The following RCAN2 variants were observed in gnomAD, a reference collection of about 807,000 sequenced individuals.
The protein encoded by RCAN2 is regulator of calcineurin 2, also known as calcipressin-2.
Under a neutral mutation model 23.6 loss-of-function variants are expected in RCAN2, and 9 were observed. The observed-to-expected ratio is 0.38, with a 90% confidence interval of 0.23 to 0.67. RCAN2 has a LOEUF of 0.67. RCAN2 is among the 30% of genes least tolerant of loss of function. The pLI is 0.51. For missense variants in RCAN2, 273 were observed against 302.3 expected (o/e 0.90, Z 0.72); for synonymous variants, 109 against 115.7 (o/e 0.94, Z 0.37).
intron 2 of RCAN2, among the ~76,000 whole-genome samples, chr6:46,389,991 A>G (rs1463107024): frequency 6.6e-6 from 1 of 150,872 alleles, no homozygotes; most frequent in Non-Finnish European, 1.5e-5. Flanking sequence ...ACAAAGAAAA[A>G]TGAACATATA....
chr6:46,356,048 C>G (rs1436034018), intron 2 of RCAN2, among the ~76,000 whole-genome samples: 1 of 152,160 alleles, frequency 6.6e-6, no homozygotes, highest in Non-Finnish European at 1.5e-5. Flanking sequence ...TGTAAAGACA[C>G]AGACACAGAC....
In RCAN2 at chr6:46,221,620, G is replaced by C; in HGVS notation, c.*1521C>G. 1 of 279,586 alleles carries C rather than the reference G, an allele frequency of 3.6e-6. No homozygotes were observed. Among genetic ancestry groups the C allele is most frequent in the South Asian group, 1.7e-4 (1 of 5,994 alleles). The allele number at this position is 279,586 out of a possible 1,614,324, so 17.3% of individuals were successfully genotyped here. A position where few individuals can be genotyped will look rare whatever the true frequency, so the allele number is the denominator to read the frequency against. On this transcript the variant is annotated 3_prime_UTR_variant, in exon 5 of 5. Coordinates refer to ENST00000371374, the MANE Select transcript of RCAN2 (RefSeq NM_001251974.2). Reference sequence around the variant, plus strand: ...CAGTAAAACGGACTTTAATTTCTGAGTGATCAGTCTATGTTTTAAGTTTCT... The same window carrying C: ...CAGTAAAACGGACTTTAATTTCTGACTGATCAGTCTATGTTTTAAGTTTCT...
At chr6:46,325,197 T>A (rs1469410549) in intron 2 of RCAN2, among the ~76,000 whole-genome samples, 2 of 152,246 alleles carry the variant, frequency 1.3e-5, no homozygotes, top group Non-Finnish European at 2.9e-5. Context: ...GCAGACCTTG[T>A]CATATTTAAA....
chr6:46,232,362 G>A (rs1765926986), intron 4 of RCAN2, among the ~76,000 whole-genome samples: 1 of 152,200 alleles, frequency 6.6e-6, no homozygotes, highest in Non-Finnish European at 1.5e-5. Context: ...ACATTGCTAA[G>A]GAGAGAAATC....
At chr6:46,479,569 A>AG (rs1768799505) in intron 1 of RCAN2, among the ~76,000 whole-genome samples, 1 of 143,208 alleles carries the variant, frequency 7.0e-6, no homozygotes, top group African/African-American at 2.6e-5. Flanking sequence ...GCCGTGCAGT[A>AG]GGGTCTGTCT....
intron 1 of RCAN2, among the ~76,000 whole-genome samples, chr6:46,466,097 C>A (rs886201881): frequency 1.3e-5 from 2 of 152,134 alleles, no homozygotes; most frequent in Non-Finnish European, 2.9e-5. Flanking sequence ...AGACAGAAGA[C>A]CATCCTCTCA....
At chr6:46,242,870 T>G (rs150467056) in intron 4 of RCAN2, among the ~76,000 whole-genome samples, 158 of 152,358 alleles carry the variant, frequency 1.0e-3, no homozygotes, top group African/African-American at 3.7e-3. Context: ...GGTCTATTCC[T>G]TCGTTCATTC....
At chr6:46,391,385 G>A (rs1765932574) in intron 2 of RCAN2, among the ~76,000 whole-genome samples, 1 of 152,144 alleles carries the variant, frequency 6.6e-6, no homozygotes, top group South Asian at 2.1e-4. Context: ...GATAGGCAGG[G>A]GGGCAGGGCT....
chr6:46,431,424 A>C (rs1767202655), intron 2 of RCAN2, among the ~76,000 whole-genome samples: 1 of 152,152 alleles, frequency 6.6e-6, no homozygotes, highest in Non-Finnish European at 1.5e-5. Context: ...TAACATGGCA[A>C]GGTCATTATC....
At chr6:46,248,191 G>A (rs1043095747) in intron 3 of RCAN2, among the ~76,000 whole-genome samples, 3 of 152,172 alleles carry the variant, frequency 2.0e-5, no homozygotes, top group African/African-American at 7.2e-5. Flanking sequence ...CATTTTGGAA[G>A]AGCTAGAATT....
At chr6:46,424,464 C>T (rs1369724580) in intron 2 of RCAN2, among the ~76,000 whole-genome samples, 1 of 152,160 alleles carries the variant, frequency 6.6e-6, no homozygotes, top group African/African-American at 2.4e-5. Context: ...TTGTCATGGA[C>T]TCAGTTTACC....
intron 4 of RCAN2, among the ~76,000 whole-genome samples, chr6:46,233,205 C>T (rs906642949): frequency 5.9e-5 from 9 of 152,308 alleles, no homozygotes; most frequent in Admixed American, 5.2e-4. Context: ...CAAAGTTCCA[C>T]GGTGAACAAT....
intron 2 of RCAN2, among the ~76,000 whole-genome samples, chr6:46,254,263 T>C (rs1215382614): frequency 6.6e-6 from 1 of 152,232 alleles, no homozygotes; most frequent in Non-Finnish European, 1.5e-5. Context: ...TGAACACTGC[T>C]GTACAACAGG....
In RCAN2 at chr6:46,300,238, C is replaced by T. The variant is rs199998823; in HGVS notation, c.226-51342G>A. Among the ~76,000 whole-genome samples the T allele has an allele frequency of 3.2e-4, 48 of 151,782 alleles. 1 individual carries two copies. In the East Asian group the frequency reaches 8.0e-3, roughly 25 times the overall value. On this transcript the variant is annotated intron_variant, in intron 2 of 4. Coordinates refer to ENST00000371374, the MANE Select transcript of RCAN2 (RefSeq NM_001251974.2). ...AATAATTACATTAAATATAAGTGAT[C>T]TAAACAAGTAAATTGAAAGACAAAA...
At chr6:46,365,325 A>G (rs1765137139) in intron 2 of RCAN2, among the ~76,000 whole-genome samples, 1 of 151,726 alleles carries the variant, frequency 6.6e-6, no homozygotes, top group African/African-American at 2.4e-5. Context: ...AAAATACAAC[A>G]ATTAGCTGGG....
chr6:46,293,852 C>T (rs1377060111), intron 2 of RCAN2, among the ~76,000 whole-genome samples: 1 of 152,102 alleles, frequency 6.6e-6, no homozygotes, highest in African/African-American at 2.4e-5. Context: ...CAGGAGTTGG[C>T]TAGGCAAAAC....
At chr6:46,421,128 C>T (rs1323850159) in intron 2 of RCAN2, among the ~76,000 whole-genome samples, 2 of 152,178 alleles carry the variant, frequency 1.3e-5, no homozygotes, top group African/African-American at 4.8e-5. Context: ...CAGCATTGAG[C>T]AAGTGCCAGT....
intron 2 of RCAN2, among the ~76,000 whole-genome samples, chr6:46,376,336 A>T (rs905066614): frequency 5.9e-5 from 9 of 152,210 alleles, no homozygotes; most frequent in African/African-American, 2.2e-4. Flanking sequence ...AACAAAATCA[A>T]ATTGAAGAAC....
chr6:46,235,618 C>G (rs1458326511), intron 4 of RCAN2, among the ~76,000 whole-genome samples: 2 of 152,208 alleles, frequency 1.3e-5, no homozygotes, highest in African/African-American at 4.8e-5. Flanking sequence ...TATCACGCTT[C>G]TTAGAATTGC....
Sources: gnomAD v4.1 joint callset for allele counts (sites outside exome capture counted in the v4.1 genomes callset) on GRCh38, gnomAD v4.1.1 for gene constraint, MANE v1.5 for transcripts, NCBI Gene and HGNC (gene_info 2026-07-23, HGNC 2026-07-21) for gene names.